UMODL1: variants seen among roughly 807,000 people sequenced by gnomAD.
UMODL1 encodes uromodulin-like 1.
UMODL1 carries 128 observed loss-of-function variants against 136.3 expected under a neutral mutation model. The ratio of observed to expected loss-of-function variants is 0.94; its 90% CI spans 0.81 to 1.09. The LOEUF (loss-of-function observed/expected upper bound fraction) is 1.09, where lower values mean the gene tolerates loss of function less well. Among genes scored for constraint, UMODL1 ranks in the 50% least tolerant of loss-of-function variants. The pLI, the probability that UMODL1 is intolerant of heterozygous loss-of-function variation, is 0.00. For missense variants in UMODL1, 1,766 were observed against 1,725.6 expected, an observed-to-expected ratio of 1.02 and a Z score of -0.41; for synonymous variants, 721 against 720.0, an observed-to-expected ratio of 1.00 and a Z score of -0.02.
chr21:42,138,915 C>T (rs1369282371), intron 22 of UMODL1, among the ~76,000 whole-genome samples: 1 of 152,290 alleles, frequency 6.6e-6, no homozygotes, highest in East Asian at 1.9e-4. Context: ...TGCCTGTAAT[C>T]CTAGCACTTT....
chr21:42,099,916 A>G lies in UMODL1; in HGVS notation c.1186+736A>G, dbSNP rs2066606157. Among the ~76,000 whole-genome samples the G allele has an allele frequency of 6.6e-6, 1 of 152,136 alleles. No individual in the cohort carries two copies. Among genetic ancestry groups the G allele is most frequent in the African/African-American group, 2.4e-5 (1 of 41,430 alleles). Reference sequence around the variant, plus strand: ...GGCTGGTGTCAAACTCCTGGGCTCAAGTGATCTCAGGAGGCAACTTTTGTC... The same window carrying G: ...GGCTGGTGTCAAACTCCTGGGCTCAGGTGATCTCAGGAGGCAACTTTTGTC... On this transcript the variant is annotated intron_variant, in intron 7 of 22. Coordinates refer to ENST00000408910, the MANE Select transcript of UMODL1 (RefSeq NM_001004416.3). The surrounding 1 kb of genome is among the most constrained non-coding windows in gnomAD (Gnocchi z 4.1).
intron 6 of UMODL1, among the ~76,000 whole-genome samples, chr21:42,092,127 G>A (rs529864858): frequency 1.5e-3 from 235 of 152,296 alleles, no homozygotes; most frequent in Middle Eastern, 3.4e-3. Flanking sequence ...ACGGGGATCC[G>A]GTGCAGACTT....
rs3819144 is a variant in UMODL1 at position 42,137,649 on chromosome 21, C to T, written c.*21+8C>T. ...GCGCAGGCTGACAGGAAGGTGGGTG[C>T]GGAGTGGGGTGGGAGGTGCAGGCTG... On this transcript the variant is annotated splice_region_variant and intron_variant, in intron 22 of 22. Transcript: ENST00000408910. 304 of 537,162 alleles carry T rather than the reference C, an allele frequency of 5.7e-4. 1 individual carries two copies. The highest frequency in any genetic ancestry group is 2.3e-3 in the Middle Eastern group (4 of 1,704). 33.3% of individuals were successfully genotyped at this position (537,162 alleles called of 1,614,324 possible). A position where few individuals can be genotyped will look rare whatever the true frequency, so the allele number is the denominator to read the frequency against.
intron 6 of UMODL1, chr21:42,093,449 C>G (rs1449712386): frequency 1.9e-5 from 3 of 158,326 alleles, no homozygotes; most frequent in African/African-American, 7.2e-5. Flanking sequence ...AAGCTCCCAG[C>G]CTCAAGAGAT....
In UMODL1 at chr21:42,103,908, G is replaced by A. The variant is rs146310440; in HGVS notation, c.1340G>A (p.Arg447Gln). The A allele has an allele frequency of 0.013, 21,129 of 1,614,168 alleles. 216 individuals are homozygous for A. The highest frequency in any genetic ancestry group is 0.027 in the South Asian group (2,451 of 91,086). Residue 447 changes from arginine to glutamine, a missense_variant, in exon 9 of 23, where the codon CGA becomes CAA. Coordinates refer to ENST00000408910, the MANE Select transcript of UMODL1 (RefSeq NM_001004416.3). ...CCACCAGTGGTGTCTGACTTGTACC[G>A]AAGTGGGAAGCTGAGAATGCAGATC... ...SFPPVVSDLY[R>Q]SGKLRMQIVS... is the part of the protein sequence containing the mutation.
Position 42,102,231 on chromosome 21 carries a change from C to G in UMODL1, c.1252C>G (p.Arg418Gly). The G allele has an allele frequency of 6.2e-7, 1 of 1,613,788 alleles. No individual in the cohort carries two copies. Among genetic ancestry groups the G allele is most frequent in the South Asian group, 1.1e-5 (1 of 91,042 alleles). ...CAACCTGACGGAGAAGTTACTCAAC[C>G]GCAGCAGTGTGGAGTACCAGGACTT... ...NHNLTEKLLN[R>G]SSVEYQDFSR... Residue 418 changes from arginine to glycine, a missense_variant, in exon 8 of 23, where the codon CGC becomes GGC. Coordinates refer to ENST00000408910, the MANE Select transcript of UMODL1 (RefSeq NM_001004416.3).
At chr21:42,105,037 C>T (rs1392523760) in intron 9 of UMODL1, among the ~76,000 whole-genome samples, 1 of 152,196 alleles carries the variant, frequency 6.6e-6, no homozygotes, top group African/African-American at 2.4e-5. Flanking sequence ...AGCTCAGCCA[C>T]GTGCTGGCTT....
chr21:42,108,876 CGG>C lies in UMODL1; in HGVS notation c.1520-685_1520-684del, dbSNP rs1569160151. The stretch of plus-strand genomic sequence containing the variant: ...GTTGTACTCCGCTGGACCCCACCCC[CGG>C]CGTGGGAAGTTCATGTTGTACTCAG... On this transcript the variant is annotated intron_variant, in intron 9 of 22. Coordinates refer to ENST00000408910, the MANE Select transcript of UMODL1 (RefSeq NM_001004416.3). 4.6e-4 allele frequency among the ~76,000 whole-genome samples: 41 copies of C among 88,606 alleles called. 4 individuals carry two copies. Among genetic ancestry groups the C allele is most frequent in the East Asian group, 2.1e-3 (6 of 2,794 alleles). 58.1% of individuals were successfully genotyped at this position (88,606 alleles called of 152,430 possible).
Position 42,111,721 on chromosome 21 carries a change from C to G in UMODL1, c.2104+11C>G. The G allele has an allele frequency of 3.7e-6, 6 of 1,603,440 alleles. No homozygotes were observed. The highest frequency in any genetic ancestry group is 5.1e-6 in the Non-Finnish European group (6 of 1,174,500). ...AGACCCCCGCCTGTGGTGAGTTCCTCGAATGGTGCATGGGGACTAGGACTA... is the reference window on the plus strand; with the variant it reads ...AGACCCCCGCCTGTGGTGAGTTCCTGGAATGGTGCATGGGGACTAGGACTA... On this transcript the variant is annotated intron_variant, in intron 12 of 22. Coordinates refer to ENST00000408910, the MANE Select transcript of UMODL1 (RefSeq NM_001004416.3).
intron 6 of UMODL1, among the ~76,000 whole-genome samples, 193 bp downstream of exon 6, chr21:42,090,631 T>C (rs2066481046): frequency 6.6e-6 from 1 of 152,260 alleles, no homozygotes; most frequent in South Asian, 2.1e-4. Flanking sequence ...ATTCTACTTA[T>C]AGCATTCTGC....
At chr21:42,078,789 T>A (rs1428430420) in intron 2 of UMODL1, among the ~76,000 whole-genome samples, 2 of 152,218 alleles carry the variant, frequency 1.3e-5, no homozygotes, top group Non-Finnish European at 2.9e-5. Flanking sequence ...TGTACTCTCA[T>A]TGGTTCCCTA....
chr21:42,096,031 G>A (rs1448724934), intron 6 of UMODL1, among the ~76,000 whole-genome samples: 1 of 152,096 alleles, frequency 6.6e-6, no homozygotes, highest in Non-Finnish European at 1.5e-5. Context: ...GCGTTAGCTT[G>A]GACACTGTGG....
chr21:42,109,848 A>C, intron 10 of UMODL1, 149 bp downstream of exon 10: 1 of 903,596 alleles, frequency 1.1e-6, no homozygotes, highest in Non-Finnish European at 1.6e-6. Flanking sequence ...AATTTATTTT[A>C]AAATCAGAAG....
intron 6 of UMODL1, among the ~76,000 whole-genome samples, chr21:42,092,427 C>A (rs1343898986): frequency 4.0e-5 from 6 of 151,470 alleles, no homozygotes; most frequent in African/African-American, 1.5e-4. Flanking sequence ...AATCCTGCTA[C>A]ATGTGTAATT....
At chr21:42,128,640 G>A (rs2067093874) in intron 20 of UMODL1, among the ~76,000 whole-genome samples, 1 of 152,212 alleles carries the variant, frequency 6.6e-6, no homozygotes, top group Non-Finnish European at 1.5e-5. Flanking sequence ...AGGAACCTCA[G>A]GTCCTAATGA....
intron 6 of UMODL1, among the ~76,000 whole-genome samples, chr21:42,095,315 A>C (rs1234943960): frequency 6.6e-6 from 1 of 151,686 alleles, no homozygotes; most frequent in African/African-American, 2.4e-5. Flanking sequence ...GGCTGGTTTC[A>C]AACTCCTGGG....
intron 9 of UMODL1, among the ~76,000 whole-genome samples, chr21:42,108,055 A>C (rs905556817): frequency 7.2e-5 from 11 of 152,180 alleles, no homozygotes; most frequent in African/African-American, 9.7e-5. Context: ...GAGGGCCGGC[A>C]AGCCTCAAGG....
chr21:42,091,846 C>T (rs2066495675), intron 6 of UMODL1, among the ~76,000 whole-genome samples: 1 of 152,204 alleles, frequency 6.6e-6, no homozygotes, highest in Non-Finnish European at 1.5e-5. Context: ...AGTCCAGGGT[C>T]ACCTCCAGGT....
In UMODL1 at chr21:42,074,963, G is replaced by A. The variant is rs369138552; in HGVS notation, c.77-1042G>A. 1.3e-4 allele frequency among the ~76,000 whole-genome samples: 20 copies of A among 149,576 alleles called. 2 individuals are homozygous for A. Among genetic ancestry groups the A allele is most frequent in the Admixed American group, 5.3e-4 (8 of 15,062 alleles). On this transcript the variant is annotated intron_variant, in intron 1 of 22. Coordinates refer to ENST00000408910, the MANE Select transcript of UMODL1 (RefSeq NM_001004416.3). ...GTCACCCAGGGTGGAGTGCAGTGGC[G>A]CAATCTTGGCTCACTGCAACCTCCG... is the stretch of plus-strand genomic sequence containing the variant.
Sources: allele counts gnomAD v4.1 joint callset (sites outside exome capture counted in the v4.1 genomes callset), GRCh38; gene constraint gnomAD v4.1.1; non-coding constraint Gnocchi (gnomAD v3.1); transcripts MANE v1.5; gene names NCBI Gene and HGNC (gene_info 2026-07-23, HGNC 2026-07-21).